CAST: variants seen among roughly 807,000 people sequenced by gnomAD.
The protein encoded by CAST is calpastatin.
Under a neutral mutation model 119.6 loss-of-function variants are expected in CAST, and 76 were observed. That is an observed-to-expected ratio of 0.64 (90% confidence interval 0.53 to 0.77). CAST has a LOEUF of 0.77. Ranked by LOEUF, CAST falls within the 30% of genes least tolerant of loss-of-function variation. The pLI is 0.00. For missense variants in CAST, 953 were observed against 946.5 expected (o/e 1.01, Z -0.09); for synonymous variants, 319 against 331.6 (o/e 0.96, Z 0.41).
the CAST span, among the ~76,000 whole-genome samples, chr5:96,376,768 G>A: frequency 6.6e-6 from 1 of 152,102 alleles, no homozygotes; most frequent in African/African-American, 2.4e-5. Context: ...CATTATTTTA[G>A]AGTGTACTTC....
the CAST span, among the ~76,000 whole-genome samples, chr5:96,444,461 G>A: frequency 1.3e-5 from 2 of 152,254 alleles, no homozygotes; most frequent in South Asian, 2.1e-4. Context: ...GCTGGTTTCT[G>A]TAATTTTAAA....
intron 8 of CAST, among the ~76,000 whole-genome samples, chr5:96,730,214 C>A (rs1163134887): frequency 1.3e-5 from 2 of 152,194 alleles, no homozygotes; most frequent in South Asian, 2.1e-4. Flanking sequence ...TAGCAGCCAC[C>A]TTTTAGAAGA....
intron 2 of CAST, among the ~76,000 whole-genome samples, chr5:96,681,144 G>A (rs1751370900): frequency 6.6e-6 from 1 of 152,082 alleles, no homozygotes; most frequent in African/African-American, 2.4e-5. Flanking sequence ...ATTGACCAGA[G>A]TATTTTCTAA....
At chr5:96,753,722 A>G (rs1765671524) in intron 20 of CAST, among the ~76,000 whole-genome samples, 1 of 152,230 alleles carries the variant, frequency 6.6e-6, no homozygotes, top group Non-Finnish European at 1.5e-5. Context: ...AATGATCTCC[A>G]TAAAGACCAC....
chr5:96,031,834 G>T, the CAST span, among the ~76,000 whole-genome samples: 1 of 152,088 alleles, frequency 6.6e-6, no homozygotes, highest in African/African-American at 2.4e-5. Context: ...TTATTTCATA[G>T]TTTCTGTGGA....
intron 1 of CAST, among the ~76,000 whole-genome samples, chr5:96,556,124 C>T (rs1746233782): frequency 1.3e-5 from 2 of 152,204 alleles, no homozygotes; most frequent in South Asian, 2.1e-4. Context: ...CTCCAGAAAA[C>T]TCCAACAGAC....
At chr5:96,251,452 C>T in the CAST span, among the ~76,000 whole-genome samples, 6 of 152,170 alleles carry the variant, frequency 3.9e-5, no homozygotes, top group East Asian at 9.7e-4. Context: ...TTTCTTTCTG[C>T]CCCAAAGATC....
intron 1 of CAST, among the ~76,000 whole-genome samples, chr5:96,630,750 C>T (rs1484171145): frequency 6.6e-6 from 1 of 151,884 alleles, no homozygotes; most frequent in Non-Finnish European, 1.5e-5. Flanking sequence ...TGTGCCACTG[C>T]ACTCCAGCCT....
chr5:96,507,923 A>G, the CAST span, among the ~76,000 whole-genome samples: 1 of 151,856 alleles, frequency 6.6e-6, no homozygotes, highest in African/African-American at 2.4e-5. Context: ...TAAATTCTCA[A>G]AACTTTGTTT....
At chr5:96,234,422 T>C in the CAST span, among the ~76,000 whole-genome samples, 2 of 152,206 alleles carry the variant, frequency 1.3e-5, no homozygotes, top group African/African-American at 4.8e-5. Context: ...AATATTGTCA[T>C]TTGGTAATTG....
chr5:96,583,060 C>T (rs1028232087), intron 1 of CAST, among the ~76,000 whole-genome samples: 1 of 152,108 alleles, frequency 6.6e-6, no homozygotes, highest in African/African-American at 2.4e-5. Flanking sequence ...CCTGAGAAAT[C>T]GCTGTTAGAA....
the CAST span, among the ~76,000 whole-genome samples, chr5:96,384,588 C>T: frequency 3.9e-5 from 6 of 152,202 alleles, no homozygotes; most frequent in African/African-American, 1.2e-4. Flanking sequence ...CTGACTGGCA[C>T]TGCAGCATTT....
chr5:96,334,170 A>C, the CAST span, among the ~76,000 whole-genome samples: 6 of 152,154 alleles, frequency 3.9e-5, no homozygotes, highest in Non-Finnish European at 7.3e-5. Context: ...CAAGTTTGAA[A>C]TTCTCCCTCC....
chr5:96,651,531 C>T (rs949697981), intron 1 of CAST, among the ~76,000 whole-genome samples: 1 of 152,126 alleles, frequency 6.6e-6, no homozygotes. Flanking sequence ...TTGTAAGCTT[C>T]GCATCTCACC....
At chr5:96,207,212 A>C in the CAST span, among the ~76,000 whole-genome samples, 120 of 152,138 alleles carry the variant, frequency 7.9e-4, no homozygotes, top group African/African-American at 2.7e-3. Flanking sequence ...CAGAGACTAT[A>C]GGGTTTTCTC....
intron 1 of CAST, among the ~76,000 whole-genome samples, chr5:96,567,232 G>T (rs559884135): frequency 3.2e-4 from 48 of 152,220 alleles, no homozygotes; most frequent in Middle Eastern, 6.8e-3. Context: ...TTAATTTACT[G>T]CTTTCTGCAT....
chr5:96,697,106 T>C (rs1753392447), intron 3 of CAST, among the ~76,000 whole-genome samples: 1 of 151,788 alleles, frequency 6.6e-6, no homozygotes, highest in African/African-American at 2.4e-5. Flanking sequence ...AGGCACAGGT[T>C]GCAGTGAGCC....
the CAST span, among the ~76,000 whole-genome samples, chr5:96,150,044 C>T: frequency 6.6e-6 from 1 of 152,034 alleles, no homozygotes; most frequent in Non-Finnish European, 1.5e-5. Context: ...TTGTTAAATA[C>T]CCACTGGGAG....
chr5:96,260,299 G>A, the CAST span, among the ~76,000 whole-genome samples: 1 of 152,140 alleles, frequency 6.6e-6, no homozygotes, highest in Non-Finnish European at 1.5e-5. Context: ...AGAATCATGA[G>A]GCAGAATTTC....
Sources: gnomAD v4.1 joint callset for allele counts (sites outside exome capture counted in the v4.1 genomes callset) on GRCh38, gnomAD v4.1.1 for gene constraint, MANE v1.5 for transcripts, NCBI Gene and HGNC (gene_info 2026-07-23, HGNC 2026-07-21) for gene names.